Variants in EDRF1 observed in about 807,000 individuals in gnomAD.
The protein encoded by EDRF1 is erythroid differentiation regulatory factor 1.
A neutral mutation model predicts 148.7 loss-of-function variants in EDRF1; 69 were observed. That is an observed-to-expected ratio of 0.46 (90% CI 0.38 to 0.57). The LOEUF (loss-of-function observed/expected upper bound fraction) is 0.57. Among genes scored for constraint, EDRF1 ranks in the 20% least tolerant of loss-of-function variants. The pLI is 0.00. For synonymous variants in EDRF1, 515 were observed against 532.8 expected, an observed-to-expected ratio of 0.97 and a Z score of 0.46; for missense variants, 1,118 against 1,478.7, an observed-to-expected ratio of 0.76 and a Z score of 4.00.
chr10:125,730,372 G>C lies in EDRF1; in HGVS notation c.1101G>C (p.Met367Ile). ...NLICNVPELV[M>I]CFHVNGIVQK... ...TATGCAATGTGCCAGAGCTTGTGAT[G>C]TGTTTTCATGTAAATGGAATTGTAC... The change falls in exon 9 of 25, where the codon ATG becomes ATC. Residue 367 changes from methionine (M) to isoleucine (I), a missense_variant. Coordinates refer to ENST00000356792, the MANE Select transcript of EDRF1 (RefSeq NM_001202438.2). 6.2e-7 allele frequency: 1 copy of C among 1,613,736 alleles called. No homozygotes were observed. Among genetic ancestry groups the C allele is most frequent in the Non-Finnish European group, 8.5e-7 (1 of 1,179,660 alleles).
intron 17 of EDRF1, 120 bp from the exon 18 acceptor site, chr10:125,742,938 G>A: frequency 6.9e-7 from 1 of 1,459,438 alleles, no homozygotes; most frequent in East Asian, 2.5e-5. Flanking sequence ...ATTGAATCTT[G>A]GTATACTTAC....
At chr10:125,749,938 C>G (rs573162848) in intron 22 of EDRF1, 1 of 329,498 alleles carries the variant, frequency 3.0e-6, no homozygotes, top group East Asian at 8.1e-5. Flanking sequence ...GTCAGGAGTT[C>G]TAGAACAACC....
intron 9 of EDRF1, among the ~76,000 whole-genome samples, chr10:125,731,629 A>G (rs1020675498): frequency 6.6e-6 from 1 of 152,072 alleles, no homozygotes; most frequent in Non-Finnish European, 1.5e-5. Context: ...TAGGAGGGGA[A>G]ATTTGTTGTG....
At chr10:125,733,929 G>C (rs1227184371) in intron 11 of EDRF1, 143 bp from the exon 12 acceptor site, 3 of 875,224 alleles carry the variant, frequency 3.4e-6, no homozygotes, top group Non-Finnish European at 5.5e-6. Flanking sequence ...TAAACGTTTT[G>C]GGGGTTGTGG....
At chr10:125,728,656 C>A (rs1848369399) in intron 6 of EDRF1, among the ~76,000 whole-genome samples, 1 of 152,056 alleles carries the variant, frequency 6.6e-6, no homozygotes, top group Admixed American at 6.6e-5. Context: ...CGTGCCTGGC[C>A]AGTTTCTTAG....
chr10:125,751,168 A>G (rs1032277013), intron 22 of EDRF1, among the ~76,000 whole-genome samples: 1 of 152,144 alleles, frequency 6.6e-6, no homozygotes, highest in Non-Finnish European at 1.5e-5. Flanking sequence ...CAAACTCTTG[A>G]GCTCAAGCGA....
At chr10:125,721,976 TTTC>T (rs1490292320) in intron 2 of EDRF1, among the ~76,000 whole-genome samples, 10 of 152,346 alleles carry the variant, frequency 6.6e-5, no homozygotes, top group Admixed American at 1.3e-4. Context: ...AGGGTTCTCT[TTTC>T]TTCTTCCCCC....
intron 24 of EDRF1, among the ~76,000 whole-genome samples, chr10:125,756,054 C>T (rs777822898): frequency 5.9e-5 from 9 of 152,246 alleles, no homozygotes; most frequent in Middle Eastern, 3.4e-3. Context: ...TAATTTGAGA[C>T]ATTTTTCCTT....
intron 19 of EDRF1, chr10:125,746,641 GCA>G: frequency 6.5e-6 from 1 of 152,682 alleles, no homozygotes; most frequent in Middle Eastern, 3.4e-3. Context: ...AAGTGCAGTG[GCA>G]CAGTCTTGGC....
intron 12 of EDRF1, among the ~76,000 whole-genome samples, chr10:125,735,039 A>G (rs1290786677): frequency 6.6e-6 from 1 of 152,218 alleles, no homozygotes; most frequent in Non-Finnish European, 1.5e-5. Flanking sequence ...GGCAGTGTTT[A>G]GTGGAACTTG....
At chr10:125,733,311 C>T in intron 9 of EDRF1, 93 bp from the exon 10 acceptor site, 1 of 990,602 alleles carries the variant, frequency 1.0e-6, no homozygotes, top group Non-Finnish European at 1.5e-6. Context: ...TCTCTGTTTG[C>T]AGGACTTCTG....
At chr10:125,747,127 T>C (rs1168694206) in intron 19 of EDRF1, 1 of 174,502 alleles carries the variant, frequency 5.7e-6, no homozygotes, top group African/African-American at 2.4e-5. Flanking sequence ...TATTTGAGGA[T>C]TGGGGTAACA....
chr10:125,719,803 A>C lies in EDRF1; in HGVS notation c.-5A>C, dbSNP rs1847890424. On this transcript the variant is annotated 5_prime_UTR_variant, in exon 1 of 25. Transcript: ENST00000356792. ...CCGTCGTATCGCCTGCCCTGGATCG[A>C]AGTGATGGGGGATGCCAAGGAGGCC... is the stretch of plus-strand genomic sequence containing the variant. 1 of 1,609,480 alleles carries C rather than the reference A, an allele frequency of 6.2e-7. No homozygotes were observed.
At chr10:125,738,068 A>T (rs1334407717) in intron 14 of EDRF1, 79 bp downstream of exon 14, 2 of 1,456,220 alleles carry the variant, frequency 1.4e-6, no homozygotes, top group Non-Finnish European at 1.9e-6. Context: ...GTTGGTATCT[A>T]AATGTTATTC....
At chr10:125,733,842 A>G (rs1372465239) in intron 11 of EDRF1, 99 bp downstream of exon 11, 1 of 1,149,986 alleles carries the variant, frequency 8.7e-7, no homozygotes, top group East Asian at 2.5e-5. Flanking sequence ...AAATGCTTTT[A>G]GGTTTTCATA....
At chr10:125,724,622 A>C (rs979137840) in intron 4 of EDRF1, among the ~76,000 whole-genome samples, 13 of 152,226 alleles carry the variant, frequency 8.5e-5, no homozygotes, top group Non-Finnish European at 1.9e-4. Context: ...GTTAAATGAC[A>C]CATGGCTGTA....
intron 17 of EDRF1, 92 bp downstream of exon 17, chr10:125,741,293 T>TA: frequency 8.8e-7 from 1 of 1,141,404 alleles, no homozygotes; most frequent in Non-Finnish European, 1.3e-6. Flanking sequence ...GTAGAAATAT[T>TA]AGAGTTTTGA....
chr10:125,750,027 G>A (rs1035225060), intron 22 of EDRF1, among the ~76,000 whole-genome samples: 2 of 152,174 alleles, frequency 1.3e-5, no homozygotes, highest in Non-Finnish European at 1.5e-5. Flanking sequence ...TGTAGTCCCA[G>A]CTACTGAGGA....
intron 12 of EDRF1, 68 bp from the exon 13 acceptor site, chr10:125,735,576 G>A: frequency 6.6e-7 from 1 of 1,522,388 alleles, no homozygotes; most frequent in Non-Finnish European, 9.0e-7. Flanking sequence ...AAATTCGTTA[G>A]TATGGTAGTA....
Sources: allele counts gnomAD v4.1 joint callset (sites outside exome capture counted in the v4.1 genomes callset), GRCh38; gene constraint gnomAD v4.1.1; transcripts MANE v1.5; gene names NCBI Gene and HGNC (gene_info 2026-07-23, HGNC 2026-07-21).